RCAN2: variants seen among roughly 807,000 people sequenced by gnomAD.
RCAN2 encodes the protein calcipressin-2.
Under a neutral mutation model 23.6 loss-of-function variants are expected in RCAN2, and 9 were observed. That is an observed-to-expected ratio of 0.38 (90% CI 0.23 to 0.67). RCAN2 has a LOEUF of 0.67. Among genes scored for constraint, RCAN2 ranks in the 30% least tolerant of loss-of-function variants. The pLI is 0.51. For synonymous variants in RCAN2, 109 were observed against 115.7 expected (o/e 0.94, Z 0.37); for missense variants, 273 against 302.3 (o/e 0.90, Z 0.72).
At chr6:46,478,038 C>A (rs952216445) in intron 1 of RCAN2, among the ~76,000 whole-genome samples, 4 of 152,168 alleles carry the variant, frequency 2.6e-5, no homozygotes, top group African/African-American at 9.7e-5. Context: ...AAATAATAAT[C>A]AGAACTACCA....
intron 2 of RCAN2, among the ~76,000 whole-genome samples, chr6:46,443,279 C>T (rs544353080): frequency 2.6e-5 from 4 of 152,158 alleles, no homozygotes; most frequent in Admixed American, 6.5e-5. Context: ...CTATAGTTCA[C>T]TTCTATTTTA....
Position 46,233,921 on chromosome 6 carries a change from G to T in RCAN2, c.572-10620C>A, listed in dbSNP as rs969065035. Among the ~76,000 whole-genome samples, 26 of 152,056 alleles carry T rather than the reference G, an allele frequency of 1.7e-4. 1 individual carries two copies. In the East Asian group the frequency reaches 4.6e-3, roughly 27 times the overall value. ...TTTTTGTATTTTTAGTAGAGACGGG[G>T]TTTCACCATATTGGCCAGACTGGTC... On this transcript the variant is annotated intron_variant, in intron 4 of 4. Coordinates refer to ENST00000371374, the MANE Select transcript of RCAN2 (RefSeq NM_001251974.2).
At chr6:46,416,586 C>T (rs1766720251) in intron 2 of RCAN2, among the ~76,000 whole-genome samples, 1 of 151,724 alleles carries the variant, frequency 6.6e-6, no homozygotes, top group Non-Finnish European at 1.5e-5. Flanking sequence ...ACAATCATGG[C>T]TCACTGCTCC....
chr6:46,377,149 G>A (rs1185651089), intron 2 of RCAN2, among the ~76,000 whole-genome samples: 1 of 152,164 alleles, frequency 6.6e-6, no homozygotes, highest in Non-Finnish European at 1.5e-5. Context: ...TGGTGGAATG[G>A]ACATTCTCTT....
At chr6:46,348,781 G>A (rs541015201) in intron 2 of RCAN2, among the ~76,000 whole-genome samples, 7 of 152,282 alleles carry the variant, frequency 4.6e-5, no homozygotes, top group African/African-American at 1.7e-4. Flanking sequence ...AATCAGCAAC[G>A]TCTGCCAGTG....
intron 2 of RCAN2, among the ~76,000 whole-genome samples, chr6:46,451,783 A>G (rs1767890065): frequency 6.6e-6 from 1 of 152,176 alleles, no homozygotes; most frequent in South Asian, 2.1e-4. Flanking sequence ...ATGCATTGCA[A>G]TGATCTATTT....
intron 2 of RCAN2, among the ~76,000 whole-genome samples, chr6:46,391,005 C>A (rs1336668806): frequency 6.6e-6 from 1 of 152,114 alleles, no homozygotes; most frequent in Non-Finnish European, 1.5e-5. Context: ...GAGGCAAAGT[C>A]CAGCTTGTCT....
chr6:46,274,533 G>A (rs936756180), intron 2 of RCAN2, among the ~76,000 whole-genome samples: 1 of 152,168 alleles, frequency 6.6e-6, no homozygotes, highest in African/African-American at 2.4e-5. Flanking sequence ...TATGGGCTCT[G>A]CATCCCCCCG....
chr6:46,252,972 A>G (rs1766785409), intron 2 of RCAN2, among the ~76,000 whole-genome samples: 1 of 152,226 alleles, frequency 6.6e-6, no homozygotes, highest in South Asian at 2.1e-4. Context: ...ATAACATTTT[A>G]TATGATTTTA....
chr6:46,310,134 TGAATTTTCACTAAGTA>T (rs140712274), intron 2 of RCAN2, among the ~76,000 whole-genome samples: 1,614 of 152,258 alleles, frequency 0.011, 23 homozygotes, highest in African/African-American at 0.036. Flanking sequence ...ACACTGTTTC[TGAATTTTCACTAAGTA>T]GAAAAGACCT....
chr6:46,259,849 T>C lies in RCAN2; in HGVS notation c.226-10953A>G, dbSNP rs184147453. ...GGAACTTAGGGAAGCACTTTACTTA[T>C]GCTCATCCTTTTATTATAAAGAATA... On this transcript the variant is annotated intron_variant, in intron 2 of 4. Coordinates refer to ENST00000371374, the MANE Select transcript of RCAN2 (RefSeq NM_001251974.2). Among the ~76,000 whole-genome samples the C allele has an allele frequency of 1.3e-4, 20 of 152,350 alleles. No individual in the cohort carries two copies. The East Asian group carries it at 3.9e-3, about 29-fold the overall frequency.
At chr6:46,465,615 A>C (rs1206060596) in intron 1 of RCAN2, among the ~76,000 whole-genome samples, 1 of 152,178 alleles carries the variant, frequency 6.6e-6, no homozygotes, top group Non-Finnish European at 1.5e-5. Context: ...AATCTACAGT[A>C]GTGCTACAAA....
intron 2 of RCAN2, among the ~76,000 whole-genome samples, chr6:46,311,617 G>A (rs1303610751): frequency 1.3e-5 from 2 of 152,180 alleles, no homozygotes; most frequent in East Asian, 1.9e-4. Flanking sequence ...AACTGACCTA[G>A]AAAGAAGTAA....
At chr6:46,259,278 CTT>C (rs1184999378) in intron 2 of RCAN2, among the ~76,000 whole-genome samples, 1 of 152,174 alleles carries the variant, frequency 6.6e-6, no homozygotes, top group African/African-American at 2.4e-5. Flanking sequence ...TAAGAAATAA[CTT>C]TTGCAAATTT....
chr6:46,306,702 C>CG (rs931521010), intron 2 of RCAN2, among the ~76,000 whole-genome samples: 1 of 152,128 alleles, frequency 6.6e-6, no homozygotes, highest in Non-Finnish European at 1.5e-5. Flanking sequence ...CACACTGCTT[C>CG]ATTCACTATA....
chr6:46,278,083 G>A (rs1226590517), intron 2 of RCAN2, among the ~76,000 whole-genome samples: 1 of 152,026 alleles, frequency 6.6e-6, no homozygotes, highest in Non-Finnish European at 1.5e-5. Context: ...ATAATCTTCA[G>A]GATACCTCTT....
intron 2 of RCAN2, among the ~76,000 whole-genome samples, chr6:46,308,909 T>G (rs1451477690): frequency 1.3e-5 from 2 of 152,090 alleles, no homozygotes; most frequent in East Asian, 3.9e-4. Context: ...GCTTAAATAC[T>G]GGAGAGGAGA....
Position 46,231,257 on chromosome 6 carries a change from C to A in RCAN2, c.572-7956G>T, listed in dbSNP as rs369866178. On this transcript the variant is annotated intron_variant, in intron 4 of 4. Coordinates refer to ENST00000371374, the MANE Select transcript of RCAN2 (RefSeq NM_001251974.2). Reference sequence around the variant, plus strand: ...AAGACTGAGGTTATGCAGCCATAAGCCAAGGAACTACCCAAAGCTACGACA... The same window carrying A: ...AAGACTGAGGTTATGCAGCCATAAGACAAGGAACTACCCAAAGCTACGACA... 2.0e-5 allele frequency among the ~76,000 whole-genome samples: 3 copies of A among 152,174 alleles called. No individual in the cohort carries two copies. In the East Asian group the frequency reaches 5.8e-4, roughly 29 times the overall value.
chr6:46,426,366 C>T (rs1767032798), intron 2 of RCAN2, among the ~76,000 whole-genome samples: 1 of 152,164 alleles, frequency 6.6e-6, no homozygotes, highest in Admixed American at 6.5e-5. Context: ...CTAGGTTTTA[C>T]TTTCAGTGTT....
Sources: gnomAD v4.1 joint callset for allele counts (sites outside exome capture counted in the v4.1 genomes callset) on GRCh38, gnomAD v4.1.1 for gene constraint, MANE v1.5 for transcripts, NCBI Gene and HGNC (gene_info 2026-07-23, HGNC 2026-07-21) for gene names.